The following AFG2A variants were observed in gnomAD, a reference collection of about 807,000 sequenced individuals.
AFG2A encodes the protein ATPase family gene 2 protein homolog A.
At chr4:122,940,105 T>A in the AFG2A span, among the ~76,000 whole-genome samples, 1 of 152,182 alleles carries the variant, frequency 6.6e-6, no homozygotes, top group Non-Finnish European at 1.5e-5. Context: ...TGTGCATGTG[T>A]CTTTATAGCA....
At chr4:123,183,947 T>TTCAC in the AFG2A span, among the ~76,000 whole-genome samples, 1 of 151,802 alleles carries the variant, frequency 6.6e-6, no homozygotes, top group Non-Finnish European at 1.5e-5. Flanking sequence ...CATTCATTCA[T>TTCAC]TCATTCATTC....
At chr4:123,107,969 A>G in the AFG2A span, among the ~76,000 whole-genome samples, 1 of 152,190 alleles carries the variant, frequency 6.6e-6, no homozygotes, top group Non-Finnish European at 1.5e-5. Context: ...AGGGCTTCCC[A>G]GGCCCCCAAG....
chr4:123,273,185 A>G, the AFG2A span, among the ~76,000 whole-genome samples: 1 of 152,122 alleles, frequency 6.6e-6, no homozygotes, highest in Admixed American at 6.6e-5. Context: ...TGTTCCACTA[A>G]TCTTTATTTT....
the AFG2A span, among the ~76,000 whole-genome samples, chr4:122,982,510 GT>G: frequency 4.1e-3 from 620 of 152,320 alleles, 1 homozygote; most frequent in African/African-American, 0.014. Context: ...CATAAAGTGA[GT>G]TTGGAAGTGT....
chr4:123,314,507 A>G, the AFG2A span: 2 of 152,322 alleles, frequency 1.3e-5, no homozygotes, highest in African/African-American at 4.8e-5. Context: ...TGTAATCTTT[A>G]TTTTTGAAGG....
the AFG2A span, among the ~76,000 whole-genome samples, chr4:122,948,710 GC>G: frequency 3.9e-5 from 6 of 152,144 alleles, no homozygotes; most frequent in Non-Finnish European, 5.9e-5. Flanking sequence ...CAGGAGAACT[GC>G]AATCACTTGC....
chr4:123,004,492 G>T, the AFG2A span, among the ~76,000 whole-genome samples: 100 of 152,282 alleles, frequency 6.6e-4, no homozygotes, highest in African/African-American at 2.2e-3. Flanking sequence ...GTTATCTTTT[G>T]AGATAATCTA....
the AFG2A span, chr4:122,929,332 G>A: frequency 1.1e-6 from 1 of 949,920 alleles, no homozygotes; most frequent in Non-Finnish European, 1.5e-6. Flanking sequence ...CAGGTACAAT[G>A]AATTACAATA....
chr4:123,126,494 G>A, the AFG2A span, among the ~76,000 whole-genome samples: 249 of 152,230 alleles, frequency 1.6e-3, 1 homozygote, highest in Middle Eastern at 0.014. Context: ...CAGTTTGGCT[G>A]TGTCCCCACC....
chr4:123,194,044 T>A, the AFG2A span, among the ~76,000 whole-genome samples: 47 of 152,370 alleles, frequency 3.1e-4, no homozygotes, highest in Middle Eastern at 3.4e-3. Flanking sequence ...TCCATCAGTC[T>A]CAGTTTACTT....
chr4:123,016,974 C>G, the AFG2A span, among the ~76,000 whole-genome samples: 2 of 152,284 alleles, frequency 1.3e-5, no homozygotes, highest in South Asian at 4.1e-4. Flanking sequence ...ATACGAAAAC[C>G]AGTCAGGCGT....
At chr4:123,166,094 G>GT in the AFG2A span, among the ~76,000 whole-genome samples, 1 of 152,102 alleles carries the variant, frequency 6.6e-6, no homozygotes, top group Non-Finnish European at 1.5e-5. Context: ...ATCTGTGATG[G>GT]TTAATACTGA....
chr4:122,987,073 C>A, the AFG2A span, among the ~76,000 whole-genome samples: 1 of 152,056 alleles, frequency 6.6e-6, no homozygotes, highest in Admixed American at 6.5e-5. Flanking sequence ...TATATAATGA[C>A]CTTGTCTTTT....
At chr4:123,139,243 T>C in the AFG2A span, among the ~76,000 whole-genome samples, 1 of 152,140 alleles carries the variant, frequency 6.6e-6, no homozygotes, top group Non-Finnish European at 1.5e-5. Context: ...TTCCTGATTC[T>C]GTAGCAATCA....
the AFG2A span, among the ~76,000 whole-genome samples, chr4:122,972,520 A>G: frequency 6.8e-6 from 1 of 147,368 alleles, no homozygotes; most frequent in Non-Finnish European, 1.5e-5. Flanking sequence ...CTTAAGATGA[A>G]TGCCTCACTG....
chr4:123,116,516 C>T, the AFG2A span, among the ~76,000 whole-genome samples: 3 of 152,188 alleles, frequency 2.0e-5, no homozygotes, highest in Admixed American at 6.5e-5. Context: ...CTATAATGCA[C>T]AGGAAAACCC....
At chr4:123,195,215 C>G in the AFG2A span, among the ~76,000 whole-genome samples, 1 of 152,188 alleles carries the variant, frequency 6.6e-6, no homozygotes, top group African/African-American at 2.4e-5. Context: ...CAAATGTTCC[C>G]TTTTCTCGAA....
chr4:123,138,436 G>A, the AFG2A span, among the ~76,000 whole-genome samples: 1 of 152,030 alleles, frequency 6.6e-6, no homozygotes, highest in Admixed American at 6.6e-5. Flanking sequence ...TGTCATAAAA[G>A]CTTACTATTT....
chr4:122,929,077 G>A, the AFG2A span: 1 of 1,613,610 alleles, frequency 6.2e-7, no homozygotes, highest in East Asian at 2.2e-5. Flanking sequence ...TTTCCTGGAG[G>A]CAAGGTCGGC....
Sources: allele counts gnomAD v4.1 joint callset (sites outside exome capture counted in the v4.1 genomes callset), GRCh38; gene constraint gnomAD v4.1.1; transcripts MANE v1.5; gene names NCBI Gene and HGNC (gene_info 2026-07-23, HGNC 2026-07-21).